Variants in LRRTM4 observed in about 807,000 individuals in gnomAD.
The protein encoded by LRRTM4 is leucine rich repeat transmembrane neuronal 4.
In LRRTM4, 25 loss-of-function variants were observed where a neutral mutation model predicts 47.6. The observed-to-expected ratio is 0.53, with a 90% CI of 0.38 to 0.73. The LOEUF (loss-of-function observed/expected upper bound fraction) is 0.73, where lower values mean the gene tolerates loss of function less well. Ranked by LOEUF, LRRTM4 falls within the 30% of genes least tolerant of loss-of-function variation. The pLI is 0.00. For synonymous variants in LRRTM4, 311 were observed against 269.5 expected (o/e 1.15, Z -1.51); for missense variants, 638 against 713.4 (o/e 0.89, Z 1.20).
chr2:77,153,296 C>T (rs1368110636), intron 3 of LRRTM4, among the ~76,000 whole-genome samples: 5 of 152,148 alleles, frequency 3.3e-5, no homozygotes, highest in Admixed American at 3.3e-4. Context: ...AGAATGCTTT[C>T]CTGCCCACGT....
intron 3 of LRRTM4, among the ~76,000 whole-genome samples, chr2:77,409,451 T>A (rs1232019801): frequency 6.6e-6 from 1 of 152,154 alleles, no homozygotes; most frequent in Admixed American, 6.6e-5. Flanking sequence ...CTTAATCCCA[T>A]TCACAAGGGA....
At chr2:77,236,033 CT>C (rs914585209) in intron 3 of LRRTM4, among the ~76,000 whole-genome samples, 4 of 151,610 alleles carry the variant, frequency 2.6e-5, no homozygotes, top group African/African-American at 9.7e-5. Context: ...ATTTTAGAAT[CT>C]TTTTTTTCTA....
At chr2:77,007,753 T>C (rs924845669) in intron 3 of LRRTM4, among the ~76,000 whole-genome samples, 3 of 152,188 alleles carry the variant, frequency 2.0e-5, no homozygotes, top group African/African-American at 7.2e-5. Flanking sequence ...AGGCTACATG[T>C]CTTCCATTCG....
intron 3 of LRRTM4, among the ~76,000 whole-genome samples, chr2:76,924,637 G>T (rs1044096234): frequency 6.0e-5 from 9 of 150,988 alleles, no homozygotes; most frequent in Non-Finnish European, 8.8e-5. Context: ...GATATATTAT[G>T]AAACAGTTTG....
intron 3 of LRRTM4, among the ~76,000 whole-genome samples, chr2:77,093,534 C>T (rs1670715563): frequency 6.6e-6 from 1 of 151,926 alleles, no homozygotes; most frequent in African/African-American, 2.4e-5. Context: ...CACACCACCC[C>T]TAATCCCGCT....
Position 77,033,969 on chromosome 2 carries a change from A to G in LRRTM4, c.1552-285053T>C, listed in dbSNP as rs902447973. On this transcript the variant is annotated intron_variant, in intron 3 of 3. Transcript: ENST00000409884. ...GAATATCTGAGGCTGAAACTATAAT[A>G]CAATCAAGATTTCAAGATTTTTTAA... 2.5e-4 allele frequency among the ~76,000 whole-genome samples: 38 copies of G among 151,882 alleles called. 1 individual carries two copies.
intron 3 of LRRTM4, among the ~76,000 whole-genome samples, chr2:77,436,999 C>G (rs1050519669): frequency 6.6e-6 from 1 of 151,692 alleles, no homozygotes; most frequent in Non-Finnish European, 1.5e-5. Context: ...TCTATAAGAA[C>G]TCTTATGTGT....
chr2:76,807,665 C>T (rs898196037), intron 3 of LRRTM4, among the ~76,000 whole-genome samples: 2 of 149,988 alleles, frequency 1.3e-5, no homozygotes, highest in African/African-American at 4.9e-5. Context: ...GATCTCAGCT[C>T]ATCGCAACCT....
intron 3 of LRRTM4, among the ~76,000 whole-genome samples, chr2:76,989,597 A>G (rs1676931203): frequency 1.3e-5 from 2 of 151,834 alleles, no homozygotes; most frequent in Admixed American, 1.3e-4. Flanking sequence ...TGTCTTTGCA[A>G]TGAATAGTTA....
intron 3 of LRRTM4, among the ~76,000 whole-genome samples, chr2:76,787,579 T>A (rs1165531685): frequency 6.6e-6 from 1 of 151,834 alleles, no homozygotes; most frequent in African/African-American, 2.4e-5. Context: ...AGGAAAATTT[T>A]TTTTTTTTAG....
chr2:76,944,949 G>T (rs1022697385), intron 3 of LRRTM4, among the ~76,000 whole-genome samples: 1 of 152,036 alleles, frequency 6.6e-6, no homozygotes, highest in African/African-American at 2.4e-5. Flanking sequence ...GCTTCCTTGG[G>T]AAGTTTTTAC....
At position 76,979,714 on chromosome 2, in the gene LRRTM4, A is replaced by T. The variant is rs186367821; in HGVS notation, c.1552-230798T>A. Among the ~76,000 whole-genome samples the T allele has an allele frequency of 2.0e-4, 30 of 151,826 alleles. No individual in the cohort carries two copies. The East Asian group carries it at 5.3e-3, about 27-fold the overall frequency. ...GTATAAGCGATAGATAGATAGATAG[A>T]TAGATAGATAGATGCATACATACAT... On this transcript the variant is annotated intron_variant, in intron 3 of 3. Coordinates refer to ENST00000409884, the MANE Select transcript of LRRTM4 (RefSeq NM_001134745.3).
chr2:77,409,914 T>A (rs1674353978), intron 3 of LRRTM4, among the ~76,000 whole-genome samples: 1 of 152,108 alleles, frequency 6.6e-6, no homozygotes, highest in Non-Finnish European at 1.5e-5. Flanking sequence ...ATGGGGAAAG[T>A]AGAAAACATC....
chr2:76,841,620 C>G (rs1157939529), intron 3 of LRRTM4, among the ~76,000 whole-genome samples: 2 of 144,086 alleles, frequency 1.4e-5, no homozygotes, highest in East Asian at 4.1e-4. Context: ...CCCACAATTC[C>G]AGTTAAAAAT....
chr2:76,995,830 CA>C (rs1677181865), intron 3 of LRRTM4, among the ~76,000 whole-genome samples: 3 of 151,972 alleles, frequency 2.0e-5, no homozygotes, highest in Non-Finnish European at 4.4e-5. Flanking sequence ...ATGGGAAATA[CA>C]AAGTAAATAT....
intron 3 of LRRTM4, among the ~76,000 whole-genome samples, chr2:77,404,492 A>T (rs980251676): frequency 6.6e-6 from 1 of 152,074 alleles, no homozygotes; most frequent in Non-Finnish European, 1.5e-5. Flanking sequence ...ACACACTTAA[A>T]TCTTTCAAGA....
chr2:77,442,388 T>C (rs1014912212), intron 3 of LRRTM4, among the ~76,000 whole-genome samples: 2 of 152,204 alleles, frequency 1.3e-5, no homozygotes, highest in Non-Finnish European at 2.9e-5. Context: ...TCAGATTTCC[T>C]AAAATGTAGT....
At chr2:77,051,028 T>TAAA (rs369292203) in intron 3 of LRRTM4, among the ~76,000 whole-genome samples, 18,757 of 151,408 alleles carry the variant, frequency 0.12, 1,406 homozygotes, top group Admixed American at 0.19. Flanking sequence ...TTTTTTTTTT[T>TAAA]AAAATAGATA....
chr2:76,923,955 T>C (rs1397651254), intron 3 of LRRTM4, among the ~76,000 whole-genome samples: 3 of 152,130 alleles, frequency 2.0e-5, no homozygotes, highest in South Asian at 4.1e-4. Flanking sequence ...TCAATATTAC[T>C]GTGGCATAGG....
Sources: allele counts gnomAD v4.1 joint callset (sites outside exome capture counted in the v4.1 genomes callset), GRCh38; gene constraint gnomAD v4.1.1; transcripts MANE v1.5; gene names NCBI Gene and HGNC (gene_info 2026-07-23, HGNC 2026-07-21).